DMD: variants seen among roughly 807,000 people sequenced by gnomAD.
DMD encodes the protein dystrophin, also known as mutant dystrophin.
Under a neutral mutation model 330.1 loss-of-function variants are expected in DMD, and 63 were observed. The ratio of observed to expected loss-of-function variants is 0.19; its 90% confidence interval spans 0.16 to 0.24. The LOEUF is 0.24. DMD is among the 10% of genes least tolerant of loss of function. The probability of loss-of-function intolerance (pLI) is 1.00; values close to 1 mark genes in which losing one functional copy is unlikely to be tolerated. For missense variants in DMD, 3,344 were observed against 2,684.1 expected (o/e 1.25, Z -5.43); for synonymous variants, 1,223 against 959.8 (o/e 1.27, Z -5.07).
At position 31,774,102 on chromosome X, in the gene DMD, A is replaced by G. The variant is rs1254776844; in HGVS notation, c.7400T>C (p.Leu2467Ser). The G allele has an allele frequency of 2.5e-6, 3 of 1,211,069 alleles. No homozygotes were observed. Among genetic ancestry groups the G allele is most frequent in the Middle Eastern group, 2.3e-4 (1 of 4,352 alleles). The change falls in exon 51 of 79, where the codon TTG becomes TCG. Residue 2467 changes from leucine to serine, a missense_variant. By Grantham distance (145) the Leu-to-Ser change is moderately radical. Coordinates refer to ENST00000357033, the MANE Select transcript of DMD (RefSeq NM_004006.3). ...SKLEMPSSLM[L>S]EVPALADFNR... ...GAAATCTGCCAGAGCAGGTACCTCC[A>G]ACATCAAGGAAGATGGCATTTCTAG...
chrX:31,321,647 C>T (rs1254299439), intron 62 of DMD, among the ~76,000 whole-genome samples: 3 of 100,684 alleles, frequency 3.0e-5, no homozygotes, highest in Non-Finnish European at 5.9e-5. Flanking sequence ...AAGTGACTTG[C>T]CTAAAGCCAT....
At chrX:31,875,097 G>T in intron 48 of DMD, 91 bp downstream of exon 48, 1 of 824,535 alleles carries the variant, frequency 1.2e-6, no homozygotes, top group Non-Finnish European at 1.7e-6. Flanking sequence ...GTAATATTTT[G>T]TCTTTAATAA....
chrX:31,447,146 G>C (rs943760833), intron 59 of DMD, among the ~76,000 whole-genome samples: 1 of 110,476 alleles, frequency 9.1e-6, no homozygotes, highest in African/African-American at 3.3e-5. Context: ...GGATGAAGGG[G>C]ATTCAAAAAT....
intron 50 of DMD, among the ~76,000 whole-genome samples, chrX:31,781,501 G>A (rs763302557): frequency 1.3e-3 from 148 of 111,866 alleles, no homozygotes; most frequent in African/African-American, 4.7e-3. Flanking sequence ...AAGCGCATCT[G>A]GCATCCACTC....
chrX:33,332,943 A>G (rs2054201034), intron 1 of DMD, among the ~76,000 whole-genome samples: 1 of 111,239 alleles, frequency 9.0e-6, no homozygotes, highest in South Asian at 3.7e-4. Flanking sequence ...GTGTACTTTC[A>G]TAATTCCCTG....
intron 44 of DMD, among the ~76,000 whole-genome samples, chrX:32,188,376 C>T (rs1163462361): frequency 1.9e-5 from 2 of 105,809 alleles, no homozygotes; most frequent in African/African-American, 6.9e-5. Context: ...ATCTGTCTCC[C>T]ATGAAGCTTA....
chrX:32,148,118 C>T (rs2096787340), intron 44 of DMD, among the ~76,000 whole-genome samples: 1 of 110,417 alleles, frequency 9.1e-6, no homozygotes, highest in East Asian at 2.8e-4. Flanking sequence ...ACCTCGTGAT[C>T]AGCCCGCCTC....
chrX:31,581,627 C>A (rs2076344340), intron 55 of DMD, among the ~76,000 whole-genome samples: 1 of 111,928 alleles, frequency 8.9e-6, no homozygotes, highest in South Asian at 3.7e-4. Flanking sequence ...TACTTCAATG[C>A]ACTGAATTAG....
chrX:32,037,000 T>C (rs1012343238), intron 44 of DMD, among the ~76,000 whole-genome samples: 1 of 111,422 alleles, frequency 9.0e-6, no homozygotes, highest in African/African-American at 3.3e-5. Flanking sequence ...CATGAGCCTT[T>C]GCTGCTAGAA....
intron 2 of DMD, among the ~76,000 whole-genome samples, chrX:32,967,188 T>A (rs1207961466): frequency 1.8e-5 from 2 of 111,577 alleles, no homozygotes; most frequent in East Asian, 5.7e-4. Context: ...AGCCAGTCCA[T>A]TGCTCAATGT....
intron 34 of DMD, among the ~76,000 whole-genome samples, chrX:32,369,006 T>C (rs1301675169): frequency 9.0e-6 from 1 of 111,516 alleles, no homozygotes; most frequent in East Asian, 2.8e-4. Context: ...AAGTCCACCT[T>C]CAGGAGATTC....
At chrX:31,200,498 G>T (rs1211893599) in intron 67 of DMD, among the ~76,000 whole-genome samples, 1 of 112,183 alleles carries the variant, frequency 8.9e-6, no homozygotes, top group East Asian at 2.8e-4. Flanking sequence ...GATTAAATGA[G>T]AGAATTCATG....
rs145047917 is a variant in DMD at position 32,911,820 on chromosome X, T to C, written c.94-62000A>G. 6.0e-3 allele frequency among the ~76,000 whole-genome samples: 666 copies of C among 111,646 alleles called. 29 individuals are homozygous for C. In the East Asian group the frequency reaches 0.14, roughly 23 times the overall value. The stretch of plus-strand genomic sequence containing the variant: ...ATCTTGGAAACTTAGAAATACATCA[T>C]GTCAGTCAGAATCTAAGCAGACACA... On this transcript the variant is annotated intron_variant, in intron 2 of 78. Coordinates refer to ENST00000357033, the MANE Select transcript of DMD (RefSeq NM_004006.3).
chrX:33,288,488 T>C (rs1016031061), intron 1 of DMD, among the ~76,000 whole-genome samples: 2 of 111,578 alleles, frequency 1.8e-5, no homozygotes. Context: ...TATATTCTTC[T>C]CACTGCAAAC....
chrX:31,892,891 T>C (rs2094277981), intron 47 of DMD, among the ~76,000 whole-genome samples: 1 of 112,348 alleles, frequency 8.9e-6, no homozygotes, highest in African/African-American at 3.2e-5. Context: ...TGATACAATT[T>C]TAGATACACT....
chrX:32,372,701 G>T (rs1054747518), intron 34 of DMD, among the ~76,000 whole-genome samples: 4 of 110,945 alleles, frequency 3.6e-5, no homozygotes, highest in African/African-American at 9.8e-5. Flanking sequence ...CTGATTGAAG[G>T]GTGAATTTAA....
At chrX:33,200,949 T>TTTTTTTA (rs2051230337) in intron 1 of DMD, among the ~76,000 whole-genome samples, 2 of 97,330 alleles carry the variant, frequency 2.1e-5, no homozygotes, top group African/African-American at 7.5e-5. Flanking sequence ...TTTTTTTTTT[T>TTTTTTTA]GAGACAGAGT....
intron 52 of DMD, among the ~76,000 whole-genome samples, chrX:31,708,605 C>A (rs2084374682): frequency 9.1e-6 from 1 of 110,133 alleles, no homozygotes; most frequent in African/African-American, 3.3e-5. Flanking sequence ...TTCCCTATAT[C>A]ATTAAATACT....
intron 2 of DMD, among the ~76,000 whole-genome samples, chrX:32,863,480 A>G (rs930885035): frequency 5.1e-5 from 5 of 98,649 alleles, no homozygotes; most frequent in African/African-American, 1.7e-4. Context: ...ACTGCACTCC[A>G]GCCTGGGTGG....
Sources: allele counts gnomAD v4.1 joint callset (sites outside exome capture counted in the v4.1 genomes callset), GRCh38; gene constraint gnomAD v4.1.1; transcripts MANE v1.5; gene names NCBI Gene and HGNC (gene_info 2026-07-23, HGNC 2026-07-21).